Variants in ASMT observed in about 807,000 individuals in gnomAD.
ASMT encodes the protein acetylserotonin O-methyltransferase, also known as acetylserotonin N-methyltransferase.
In ASMT, 53 loss-of-function variants were observed where a neutral mutation model predicts 41.3. The observed-to-expected ratio is 1.28, with a 90% CI of 1.03 to 1.61. The LOEUF (loss-of-function observed/expected upper bound fraction) is 1.61, where lower values mean the gene tolerates loss of function less well. ASMT is among the 40% of genes most tolerant of loss of function. The pLI is 0.00. For missense variants in ASMT, 531 were observed against 441.3 expected (o/e 1.20, Z -1.82); for synonymous variants, 231 against 184.8 (o/e 1.25, Z -2.03).
intron 3 of ASMT, among the ~76,000 whole-genome samples, chrX:1,627,044 G>A (rs1217332994): frequency 6.7e-6 from 1 of 148,674 alleles, no homozygotes; most frequent in Non-Finnish European, 1.5e-5. Flanking sequence ...ATAAAATAAG[G>A]CCAGGTGCGG....
intron 1 of ASMT, among the ~76,000 whole-genome samples, chrX:1,617,268 A>G (rs1344531180): frequency 1.3e-5 from 2 of 151,556 alleles, no homozygotes; most frequent in African/African-American, 2.4e-5. Flanking sequence ...TCAGGAGTTC[A>G]AGACCAGCCT....
chrX:1,629,838 T>TAC lies in ASMT; in HGVS notation c.463_464dup (p.Gln155HisfsTer19). ...CATGCCAGGTCCGAGGGCGAGCGGC[T>TAC]ACAGTTCATGCAAGCTCTGCAGGAG... On this transcript the variant is annotated frameshift_variant, in exon 5 of 9. Transcript: ENST00000381241. LOFTEE classifies it high-confidence loss of function. 6.2e-7 allele frequency: 1 copy of TAC among 1,613,894 alleles called. No individual in the cohort carries two copies. Among genetic ancestry groups the TAC allele is most frequent in the Non-Finnish European group, 8.5e-7 (1 of 1,179,848 alleles).
At chrX:1,642,298 G>T (rs1350781983) in intron 8 of ASMT, among the ~76,000 whole-genome samples, 1 of 147,976 alleles carries the variant, frequency 6.8e-6, no homozygotes, top group Non-Finnish European at 1.5e-5. Context: ...CCAGTGTCCT[G>T]TGAGGTCCAT....
chrX:1,636,209 C>G (rs771303862), intron 7 of ASMT: 28 of 608,606 alleles, frequency 4.6e-5, no homozygotes, highest in Non-Finnish European at 5.8e-5. Flanking sequence ...TGCCCACCTC[C>G]GCCTCCCAAA....
intron 8 of ASMT, among the ~76,000 whole-genome samples, chrX:1,637,286 C>A (rs867706074): frequency 0.068 from 171 of 2,500 alleles, 54 homozygotes; most frequent in Middle Eastern, 0.17. Context: ...AGATCCATCC[C>A]TCCTGATGGT....
At chrX:1,624,113 G>A (rs868243515) in intron 2 of ASMT, 156 bp from the exon 3 acceptor site, 1 of 481,860 alleles carries the variant, frequency 2.1e-6, no homozygotes, top group South Asian at 8.7e-5. Context: ...TCCACAGAAG[G>A]CTCCAGCTGT....
At chrX:1,635,196 G>A (rs1305316431) in intron 7 of ASMT, among the ~76,000 whole-genome samples, 1 of 147,960 alleles carries the variant, frequency 6.8e-6, no homozygotes, top group Non-Finnish European at 1.5e-5. Flanking sequence ...GTGTTAGCCA[G>A]GATGGTCTCA....
At chrX:1,625,622 AAGAGAG>A (rs1292600763) in intron 3 of ASMT, among the ~76,000 whole-genome samples, 2 of 142,710 alleles carry the variant, frequency 1.4e-5, no homozygotes, top group African/African-American at 2.5e-5. Context: ...GAAGGAAAGA[AAGAGAG>A]AGAGAGAGAG....
At chrX:1,623,368 C>T (rs1934407918) in intron 2 of ASMT, 55 bp downstream of exon 2, 1 of 1,600,420 alleles carries the variant, frequency 6.2e-7, no homozygotes, top group South Asian at 1.1e-5. Context: ...CTCTGCAGCC[C>T]ACGTGTTCTG....
In ASMT at chrX:1,635,485, C is replaced by G. The variant is rs770953626; in HGVS notation, c.788-953C>G. On this transcript the variant is annotated intron_variant, in intron 7 of 8. Transcript: ENST00000381241. ...AGCTCATCAGTTAGGAGCTGCTGAC[C>G]GAATTCCCAGGGACTCCTGGAATCC... 1.8e-4 allele frequency among the ~76,000 whole-genome samples: 27 copies of G among 152,196 alleles called. No individual in the cohort carries two copies. The East Asian group carries it at 4.8e-3, about 27-fold the overall frequency.
intron 5 of ASMT, among the ~76,000 whole-genome samples, chrX:1,630,140 T>G (rs1462042818): frequency 2.0e-5 from 3 of 146,730 alleles, no homozygotes; most frequent in Non-Finnish European, 3.0e-5. Context: ...TTTCTTTTTC[T>G]TTTCTTTTTT....
At chrX:1,629,399 C>A (rs1198163804) in intron 4 of ASMT, among the ~76,000 whole-genome samples, 1 of 152,078 alleles carries the variant, frequency 6.6e-6, no homozygotes, top group Non-Finnish European at 1.5e-5. Context: ...CTTCTTGGCT[C>A]CATCTCACCT....
intron 2 of ASMT, 138 bp from the exon 3 acceptor site, chrX:1,624,131 A>G: frequency 8.2e-7 from 1 of 1,223,042 alleles, no homozygotes; most frequent in Admixed American, 1.7e-5. Context: ...TGTACAAGGC[A>G]AGAGGAAGAC....
chrX:1,615,968 C>G (rs1188321279), intron 1 of ASMT, among the ~76,000 whole-genome samples: 6 of 152,136 alleles, frequency 3.9e-5, no homozygotes, highest in African/African-American at 7.2e-5. Context: ...AATAATTACA[C>G]TGTGCGTTTA....
At chrX:1,622,283 C>T (rs755337073) in intron 1 of ASMT, among the ~76,000 whole-genome samples, 6 of 151,658 alleles carry the variant, frequency 4.0e-5, no homozygotes, top group East Asian at 3.9e-4. Flanking sequence ...TGAGCCACCA[C>T]GCCCGGTCCT....
chrX:1,623,901 G>A (rs111899021), intron 2 of ASMT, among the ~76,000 whole-genome samples: 2,607 of 152,086 alleles, frequency 0.017, 51 homozygotes, highest in African/African-American at 0.06. Flanking sequence ...CACCCGCCTC[G>A]GCCTCCCTAA....
intron 3 of ASMT, among the ~76,000 whole-genome samples, chrX:1,625,318 A>G (rs1328349919): frequency 1.3e-5 from 2 of 150,886 alleles, no homozygotes; most frequent in African/African-American, 2.4e-5. Flanking sequence ...GTTAGCCAGG[A>G]TGGTCTCCAT....
chrX:1,628,934 C>CTT (rs1181287583), intron 4 of ASMT, among the ~76,000 whole-genome samples: 1 of 126,918 alleles, frequency 7.9e-6, no homozygotes, highest in African/African-American at 3.1e-5. Context: ...CTCTTTCTTT[C>CTT]TCTCTCTCTT....
rs1426871433 is a variant in ASMT at position 1,636,549 on chromosome X, C to A, written c.899C>A (p.Thr300Asn). 1 of 1,611,774 alleles carries A rather than the reference C, an allele frequency of 6.2e-7. No individual in the cohort carries two copies. The highest frequency in any genetic ancestry group is 8.5e-7 in the Non-Finnish European group (1 of 1,179,438). Residue 300 changes from threonine (T) to asparagine (N), a missense_variant, in exon 8 of 9, where the codon ACT becomes AAT. Thr to Asn is a moderately conservative substitution (Grantham distance 65, BLOSUM62 0). Coordinates refer to ENST00000381241, the MANE Select transcript of ASMT (RefSeq NM_001171038.2). ...CSHLLERIYH[T>N]CKPGGGILVI... ...CACCTGCTGGAGAGGATCTACCACACTTGCAAGCCAGGTAAGTTGTGGGGT... is the reference window on the plus strand; with the variant it reads ...CACCTGCTGGAGAGGATCTACCACAATTGCAAGCCAGGTAAGTTGTGGGGT...
Sources: gnomAD v4.1 joint callset for allele counts (sites outside exome capture counted in the v4.1 genomes callset) on GRCh38, gnomAD v4.1.1 for gene constraint, MANE v1.5 for transcripts, NCBI Gene and HGNC (gene_info 2026-07-23, HGNC 2026-07-21) for gene names.